LSAMP: variants seen among roughly 807,000 people sequenced by gnomAD.
LSAMP encodes limbic system associated membrane protein, also known as limbic system-associated membrane protein.
In LSAMP, 7 loss-of-function variants were observed where a neutral mutation model predicts 38.6. The ratio of observed to expected loss-of-function variants is 0.18; its 90% confidence interval spans 0.10 to 0.34. The LOEUF is 0.34. Among genes scored for constraint, LSAMP ranks in the 10% least tolerant of loss-of-function variants. The pLI is 1.00. For synonymous variants in LSAMP, 154 were observed against 166.8 expected, an observed-to-expected ratio of 0.92 and a Z score of 0.59; for missense variants, 313 against 420.0, an observed-to-expected ratio of 0.75 and a Z score of 2.23.
At chr3:116,389,127 A>G (rs978093684) in intron 1 of LSAMP, among the ~76,000 whole-genome samples, 3 of 152,194 alleles carry the variant, frequency 2.0e-5, no homozygotes, top group African/African-American at 7.2e-5. Flanking sequence ...CAGGATGCTG[A>G]GACTTCTCTC....
intron 1 of LSAMP, among the ~76,000 whole-genome samples, chr3:116,301,365 T>A (rs1390180541): frequency 6.6e-6 from 1 of 152,124 alleles, no homozygotes; most frequent in Admixed American, 6.5e-5. Context: ...AATTCAACCC[T>A]CTGTACCTGA....
intron 2 of LSAMP, among the ~76,000 whole-genome samples, chr3:116,052,708 G>C (rs1941418569): frequency 2.6e-5 from 4 of 152,174 alleles, no homozygotes; most frequent in African/African-American, 9.7e-5. Context: ...CAATTACCCA[G>C]GAAACTTCTT....
At chr3:116,410,794 T>A (rs192124876) in intron 1 of LSAMP, among the ~76,000 whole-genome samples, 51 of 152,248 alleles carry the variant, frequency 3.3e-4, no homozygotes, top group Non-Finnish European at 5.4e-4. Flanking sequence ...TTTTCAGCTG[T>A]CCTTTCTCTG....
intron 3 of LSAMP, among the ~76,000 whole-genome samples, chr3:115,949,340 T>C (rs1360297766): frequency 1.3e-5 from 2 of 152,132 alleles, no homozygotes; most frequent in Non-Finnish European, 2.9e-5. Flanking sequence ...CTTCTTTTCT[T>C]GGTTAATCTC....
At position 115,808,147 on chromosome 3, in the gene LSAMP, T is replaced by G. The variant is rs868655438; in HGVS notation, c.*2170A>C. 1 of 52,896 alleles carries G rather than the reference T, an allele frequency of 1.9e-5. No individual in the cohort carries two copies. Among genetic ancestry groups the G allele is most frequent in the Admixed American group, 2.9e-4 (1 of 3,408 alleles). 3.3% of individuals were successfully genotyped at this position (52,896 alleles called of 1,614,324 possible). A position where few individuals can be genotyped will look rare whatever the true frequency, so the allele number is the denominator to read the frequency against. On this transcript the variant is annotated 3_prime_UTR_variant, in exon 7 of 7. Coordinates refer to ENST00000490035, the MANE Select transcript of LSAMP (RefSeq NM_002338.5). Reference sequence around the variant, plus strand: ...CTCCCTCCCTCCCTCCCTCCCTCCCTCCCCCCCTTCCCCGTCCCCCCCTCC... The same window carrying G: ...CTCCCTCCCTCCCTCCCTCCCTCCCGCCCCCCCTTCCCCGTCCCCCCCTCC...
intron 2 of LSAMP, among the ~76,000 whole-genome samples, chr3:116,080,825 A>G (rs1419460623): frequency 4.2e-4 from 1 of 2,392 alleles, no homozygotes; most frequent in Non-Finnish European, 0.026. Flanking sequence ...CACACTAAGA[A>G]CAAATCTAAC....
chr3:116,409,099 T>C (rs2048936870), intron 1 of LSAMP, among the ~76,000 whole-genome samples: 2 of 152,040 alleles, frequency 1.3e-5, no homozygotes, highest in African/African-American at 4.8e-5. Context: ...GTCTATCATG[T>C]GTAAAGCTCT....
At chr3:116,199,250 C>CT (rs2045955948) in intron 1 of LSAMP, among the ~76,000 whole-genome samples, 2 of 151,936 alleles carry the variant, frequency 1.3e-5, no homozygotes, top group Admixed American at 6.6e-5. Flanking sequence ...TCAACACCTA[C>CT]TGTTAAGAAA....
chr3:116,088,729 T>G (rs545758184), intron 1 of LSAMP, among the ~76,000 whole-genome samples: 1 of 152,330 alleles, frequency 6.6e-6, no homozygotes, highest in East Asian at 1.9e-4. Flanking sequence ...GTATTCTGAA[T>G]GCCTCTTAGC....
At chr3:116,187,928 G>C (rs912964980) in intron 1 of LSAMP, among the ~76,000 whole-genome samples, 2 of 151,850 alleles carry the variant, frequency 1.3e-5, no homozygotes, top group Admixed American at 1.3e-4. Context: ...TATTTTTCCT[G>C]ATCCCCTCTC....
At chr3:115,905,835 C>A (rs1380579503) in intron 3 of LSAMP, among the ~76,000 whole-genome samples, 1 of 152,098 alleles carries the variant, frequency 6.6e-6, no homozygotes, top group African/African-American at 2.4e-5. Context: ...CATTCTAGGG[C>A]ATCAGGAACT....
intron 2 of LSAMP, among the ~76,000 whole-genome samples, chr3:116,068,607 A>G (rs1707519959): frequency 6.6e-6 from 1 of 152,244 alleles, no homozygotes; most frequent in African/African-American, 2.4e-5. Flanking sequence ...GATAGAGTGA[A>G]CAATATCTAG....
rs4312657 is a variant in LSAMP at position 116,118,298 on chromosome 3, C to T, written c.156-31742G>A. Among the ~76,000 whole-genome samples, 507 of 152,206 alleles carry T rather than the reference C, an allele frequency of 3.3e-3. 3 individuals are homozygous for T. Among genetic ancestry groups the T allele is most frequent in the African/African-American group, 0.011 (475 of 41,524 alleles). ...ATTTTAATTGCTCCCCATCCCAACC[C>T]CAACCTTCCTTCCTTCCCCCTATTT... On this transcript the variant is annotated intron_variant, in intron 1 of 6. Coordinates refer to ENST00000490035, the MANE Select transcript of LSAMP (RefSeq NM_002338.5).
chr3:116,123,954 T>C (rs1478042207), intron 1 of LSAMP, among the ~76,000 whole-genome samples: 1 of 152,104 alleles, frequency 6.6e-6, no homozygotes, highest in Non-Finnish European at 1.5e-5. Flanking sequence ...AGATATGATG[T>C]GGATAAAAAG....
chr3:116,343,112 A>G (rs964636020), intron 1 of LSAMP, among the ~76,000 whole-genome samples: 21 of 152,100 alleles, frequency 1.4e-4, no homozygotes, highest in Non-Finnish European at 3.1e-4. Flanking sequence ...CAACAATAAC[A>G]ACAAAAAACT....
chr3:115,852,637 A>G lies in LSAMP; in HGVS notation c.515-20T>C, dbSNP rs1935371035. ...CCCTTCCTGAAAAACAGAGGTTTTC[A>G]TGATTCTTTTTTAAAGTCTGAAATA... is the stretch of plus-strand genomic sequence containing the variant. On this transcript the variant is annotated intron_variant, in intron 3 of 6. Coordinates refer to ENST00000490035, the MANE Select transcript of LSAMP (RefSeq NM_002338.5). The G allele has an allele frequency of 6.2e-7, 1 of 1,603,246 alleles. No individual in the cohort carries two copies. Among genetic ancestry groups the G allele is most frequent in the Admixed American group, 1.7e-5 (1 of 57,942 alleles).
chr3:115,974,319 A>G (rs918997727), intron 3 of LSAMP, among the ~76,000 whole-genome samples: 2 of 152,082 alleles, frequency 1.3e-5, no homozygotes, highest in African/African-American at 4.8e-5. Flanking sequence ...ACTCCAGCCT[A>G]GGCGACAGAG....
At chr3:116,267,506 GA>G (rs895157869) in intron 1 of LSAMP, among the ~76,000 whole-genome samples, 25 of 151,254 alleles carry the variant, frequency 1.7e-4, no homozygotes, top group African/African-American at 6.1e-4. Context: ...CTGACAGGAG[GA>G]AAGCAGCAGT....
chr3:116,124,207 T>G (rs2107492491), intron 1 of LSAMP, among the ~76,000 whole-genome samples: 1 of 152,214 alleles, frequency 6.6e-6, no homozygotes, highest in South Asian at 2.1e-4. Flanking sequence ...ATTTTTTGAG[T>G]TGTGGATGGC....
Sources: gnomAD v4.1 joint callset for allele counts (sites outside exome capture counted in the v4.1 genomes callset) on GRCh38, gnomAD v4.1.1 for gene constraint, MANE v1.5 for transcripts, NCBI Gene and HGNC (gene_info 2026-07-23, HGNC 2026-07-21) for gene names.